Variants in ADGRD1 observed in about 807,000 individuals in gnomAD.
The protein encoded by ADGRD1 is adhesion G protein-coupled receptor D1.
ADGRD1 carries 77 observed loss-of-function variants against 113.4 expected under a neutral mutation model. The ratio of observed to expected loss-of-function variants is 0.68; its 90% CI spans 0.57 to 0.82. The LOEUF is 0.82. ADGRD1 is among the 40% of genes least tolerant of loss of function. ADGRD1 has a pLI of 0.00. For missense variants in ADGRD1, 1,036 were observed against 1,139.1 expected, an observed-to-expected ratio of 0.91 and a Z score of 1.30; for synonymous variants, 474 against 475.0, an observed-to-expected ratio of 1.00 and a Z score of 0.03.
chr12:130,976,557 G>C (rs758024395), intron 4 of ADGRD1, among the ~76,000 whole-genome samples: 1 of 152,150 alleles, frequency 6.6e-6, no homozygotes, highest in Non-Finnish European at 1.5e-5. Context: ...CCCGGAATCC[G>C]CGGCTGACTA....
At chr12:131,133,373 A>T (rs2136103135) in intron 21 of ADGRD1, among the ~76,000 whole-genome samples, 1 of 152,058 alleles carries the variant, frequency 6.6e-6, no homozygotes, top group East Asian at 1.9e-4. Flanking sequence ...CCATCCTCCC[A>T]TCAGTGCCCA....
intron 13 of ADGRD1, among the ~76,000 whole-genome samples, chr12:131,049,043 C>T (rs1006331678): frequency 1.3e-5 from 2 of 152,094 alleles, no homozygotes; most frequent in Non-Finnish European, 2.9e-5. Context: ...GGCCAAAGGC[C>T]GAGGAAGGGA....
intron 12 of ADGRD1, among the ~76,000 whole-genome samples, chr12:131,007,351 C>T (rs1452002449): frequency 6.6e-6 from 1 of 152,188 alleles, no homozygotes; most frequent in African/African-American, 2.4e-5. Context: ...GGCTGCCTTC[C>T]AATACAGCTT....
intron 20 of ADGRD1, among the ~76,000 whole-genome samples, chr12:131,129,360 AG>A: frequency 8.4e-6 from 1 of 118,680 alleles, no homozygotes; most frequent in Non-Finnish European, 1.7e-5. Flanking sequence ...TGTGAGTGAC[AG>A]GCTGGCCCTC....
chr12:130,997,402 T>C (rs767627681), intron 8 of ADGRD1, among the ~76,000 whole-genome samples: 4 of 81,606 alleles, frequency 4.9e-5, no homozygotes, highest in African/African-American at 1.1e-4. Flanking sequence ...TCCTCACTTC[T>C]CAGACGGGGC....
intron 6 of ADGRD1, chr12:130,988,020 G>A (rs1416278544): frequency 6.5e-6 from 1 of 153,040 alleles, no homozygotes; most frequent in Non-Finnish European, 1.5e-5. Context: ...CCCTCCCCCA[G>A]ACTCTGGCAA....
chr12:131,039,203 C>T (rs565207182), intron 13 of ADGRD1, among the ~76,000 whole-genome samples: 4 of 114,134 alleles, frequency 3.5e-5, no homozygotes, highest in African/African-American at 1.3e-4. Flanking sequence ...CCCACTGAGC[C>T]GGGACGGTGC....
chr12:131,138,613 G>A (rs879209583), intron 24 of ADGRD1, among the ~76,000 whole-genome samples: 1 of 152,146 alleles, frequency 6.6e-6, no homozygotes, highest in Non-Finnish European at 1.5e-5. Context: ...CCCCCTGCTG[G>A]AGCCCTGCTC....
chr12:131,034,221 C>T (rs1420999884), intron 13 of ADGRD1, among the ~76,000 whole-genome samples: 2 of 152,248 alleles, frequency 1.3e-5, no homozygotes, highest in African/African-American at 4.8e-5. Flanking sequence ...ACTCCCCGCC[C>T]ATTCCACTCC....
At chr12:130,963,339 AAAAGAAAGAAAAATTC>A (rs1201559074) in intron 2 of ADGRD1, among the ~76,000 whole-genome samples, 1 of 136,494 alleles carries the variant, frequency 7.3e-6, no homozygotes, top group Non-Finnish European at 1.6e-5. Flanking sequence ...AAAAAAAAAA[AAAAGAAAGAAAAATTC>A]AAATTCAAAT....
chr12:131,058,866 G>A (rs1197117504), intron 13 of ADGRD1, among the ~76,000 whole-genome samples: 1 of 152,196 alleles, frequency 6.6e-6, no homozygotes, highest in Non-Finnish European at 1.5e-5. Flanking sequence ...TTTCCGGTTT[G>A]AGTTTGCTCA....
At chr12:131,086,166 G>T (rs767048481) in intron 15 of ADGRD1, among the ~76,000 whole-genome samples, 1 of 152,170 alleles carries the variant, frequency 6.6e-6, no homozygotes, top group African/African-American at 2.4e-5. Flanking sequence ...ACCAGCGTCC[G>T]CAGTGTCTGC....
At position 130,984,171 on chromosome 12, in the gene ADGRD1, G is replaced by A. The variant is rs1873350113; in HGVS notation, c.490+2108G>A. 6.6e-6 allele frequency among the ~76,000 whole-genome samples: 1 copy of A among 152,154 alleles called. No individual in the cohort carries two copies. Among genetic ancestry groups the A allele is most frequent in the Admixed American group, 6.5e-5 (1 of 15,278 alleles). On this transcript the variant is annotated intron_variant, in intron 5 of 24. Transcript: ENST00000261654. This position sits in a 1 kb window ranked among gnomAD's most constrained non-coding sequence, Gnocchi z 4.1. Reference sequence around the variant, plus strand: ...GTGATTGCCTAGGCCAAGTTTGTAAGAAAAATATTTGGAATGATTTACGAT... The same window carrying A: ...GTGATTGCCTAGGCCAAGTTTGTAAAAAAAATATTTGGAATGATTTACGAT...
chr12:131,033,951 G>A (rs1009888813), intron 13 of ADGRD1, among the ~76,000 whole-genome samples: 4 of 152,106 alleles, frequency 2.6e-5, no homozygotes, highest in Admixed American at 6.5e-5. Context: ...GGGGGATGCC[G>A]GCTCCACCTG....
chr12:131,122,863 G>A (rs931265268), intron 20 of ADGRD1, among the ~76,000 whole-genome samples: 4 of 152,062 alleles, frequency 2.6e-5, no homozygotes, highest in South Asian at 2.1e-4. Flanking sequence ...GGGGCCGAGC[G>A]CCAGGAACCC....
chr12:130,996,610 C>T (rs1259970840), intron 8 of ADGRD1, among the ~76,000 whole-genome samples: 12 of 116,280 alleles, frequency 1.0e-4, no homozygotes, highest in South Asian at 5.7e-4. Context: ...GGCGGCCGGG[C>T]AGAGGCGCCC....
intron 13 of ADGRD1, among the ~76,000 whole-genome samples, chr12:131,063,711 T>A (rs917192977): frequency 6.6e-6 from 1 of 152,240 alleles, no homozygotes; most frequent in Admixed American, 6.5e-5. Flanking sequence ...TGAAATCAGC[T>A]TGAGCACATG....
intron 13 of ADGRD1, among the ~76,000 whole-genome samples, chr12:131,016,050 T>A (rs1174675799): frequency 6.6e-6 from 1 of 152,172 alleles, no homozygotes; most frequent in South Asian, 2.1e-4. Context: ...GCTGGTGTCG[T>A]TCCCTGTGCC....
intron 15 of ADGRD1, among the ~76,000 whole-genome samples, chr12:131,092,593 A>G (rs1164607928): frequency 6.6e-6 from 1 of 152,086 alleles, no homozygotes; most frequent in Non-Finnish European, 1.5e-5. Flanking sequence ...GGCTTCAGGC[A>G]TGGGAAGCGT....
Sources: allele counts gnomAD v4.1 joint callset (sites outside exome capture counted in the v4.1 genomes callset), GRCh38; gene constraint gnomAD v4.1.1; non-coding constraint Gnocchi (gnomAD v3.1); transcripts MANE v1.5; gene names NCBI Gene and HGNC (gene_info 2026-07-23, HGNC 2026-07-21).